SLA: variants seen among roughly 807,000 people sequenced by gnomAD.
The protein encoded by SLA is Src like adaptor.
SLA carries 16 observed loss-of-function variants against 30.3 expected under a neutral mutation model. That is an observed-to-expected ratio of 0.53 (90% CI 0.36 to 0.80). SLA has a LOEUF of 0.80. SLA is among the 30% of genes least tolerant of loss of function. The pLI is 0.01. For synonymous variants in SLA, 143 were observed against 137.8 expected (o/e 1.04, Z -0.26); for missense variants, 310 against 345.2 (o/e 0.90, Z 0.81).
chr8:133,056,869 A>G (rs989517515), intron 3 of SLA, among the ~76,000 whole-genome samples: 1 of 152,200 alleles, frequency 6.6e-6, no homozygotes, highest in African/African-American at 2.4e-5. Flanking sequence ...TGCAAGCTTT[A>G]GGGGTTACAG....
chr8:133,075,997 C>G (rs769898120), intron 1 of SLA: 1 of 152,126 alleles, frequency 6.6e-6, no homozygotes, highest in Non-Finnish European at 1.5e-5. Context: ...CATATAAAAT[C>G]TCCCTACTTA....
intron 1 of SLA, among the ~76,000 whole-genome samples, chr8:133,092,070 T>G (rs1456676086): frequency 6.6e-6 from 1 of 152,162 alleles, no homozygotes; most frequent in Non-Finnish European, 1.5e-5. Flanking sequence ...TCTCCTGTGT[T>G]GTGTGATTTC....
At chr8:133,088,155 C>G (rs873177) in intron 1 of SLA, among the ~76,000 whole-genome samples, 26,227 of 152,132 alleles carry the variant, frequency 0.17, 2,493 homozygotes, top group East Asian at 0.21. Flanking sequence ...TTGGGATAGA[C>G]TCTCCCTTGT....
At chr8:133,068,665 C>T (rs1034309619) in intron 2 of SLA, among the ~76,000 whole-genome samples, 3 of 152,196 alleles carry the variant, frequency 2.0e-5, no homozygotes, top group African/African-American at 4.8e-5. Context: ...ACGCAAGGGG[C>T]TCAGTGACCC....
At chr8:133,067,730 C>G (rs1053688547) in intron 2 of SLA, among the ~76,000 whole-genome samples, 1 of 151,484 alleles carries the variant, frequency 6.6e-6, no homozygotes, top group Non-Finnish European at 1.5e-5. Context: ...AAGCTGAGAT[C>G]GCACCGCTGC....
chr8:133,095,825 C>G (rs1357715445), intron 1 of SLA, among the ~76,000 whole-genome samples: 17 of 152,226 alleles, frequency 1.1e-4, no homozygotes, highest in Admixed American at 1.0e-3. Context: ...TTCTCAGCTC[C>G]CCTAAGTGCA....
intron 1 of SLA, among the ~76,000 whole-genome samples, chr8:133,080,123 A>G (rs1457581079): frequency 6.6e-6 from 1 of 152,180 alleles, no homozygotes; most frequent in Non-Finnish European, 1.5e-5. Flanking sequence ...GACATTTGAA[A>G]TGAGTCCAGA....
At chr8:133,085,793 T>C (rs1173153615) in intron 1 of SLA, among the ~76,000 whole-genome samples, 1 of 152,214 alleles carries the variant, frequency 6.6e-6, no homozygotes, top group Non-Finnish European at 1.5e-5. Flanking sequence ...ATGCGGCCAC[T>C]TTGACAAACA....
chr8:133,040,416 AC>A (rs1252380615), intron 7 of SLA: 3 of 368,942 alleles, frequency 8.1e-6, no homozygotes, highest in Non-Finnish European at 1.5e-5. Flanking sequence ...TTTTAGCTTT[AC>A]CCCGATAGTA....
chr8:133,049,556 G>A (rs754171623), intron 5 of SLA: 7 of 307,038 alleles, frequency 2.3e-5, no homozygotes, highest in Non-Finnish European at 3.8e-5. Flanking sequence ...GTAAGTGACA[G>A]AGGCAGGATT....
chr8:133,099,152 A>G (rs1848868796), intron 1 of SLA, among the ~76,000 whole-genome samples: 1 of 152,244 alleles, frequency 6.6e-6, no homozygotes, highest in South Asian at 2.1e-4. Flanking sequence ...GGGCACCCCC[A>G]AATAGAGAAG....
At chr8:133,087,293 T>A (rs1846743442) in intron 1 of SLA, among the ~76,000 whole-genome samples, 1 of 152,238 alleles carries the variant, frequency 6.6e-6, no homozygotes, top group Non-Finnish European at 1.5e-5. Context: ...TTAAATAAGC[T>A]AAGGTCGCAC....
chr8:133,092,748 C>T (rs1847766273), intron 1 of SLA, among the ~76,000 whole-genome samples: 1 of 152,188 alleles, frequency 6.6e-6, no homozygotes, highest in Non-Finnish European at 1.5e-5. Context: ...CAACTCCCCT[C>T]CTGCCCCCGA....
chr8:133,046,883 A>G (rs1839515920), intron 6 of SLA, among the ~76,000 whole-genome samples: 1 of 152,236 alleles, frequency 6.6e-6, no homozygotes, highest in African/African-American at 2.4e-5. Context: ...CTCTAGCACC[A>G]GGTGGCTTTG....
chr8:133,088,790 C>T (rs138193270), intron 1 of SLA, among the ~76,000 whole-genome samples: 19 of 152,152 alleles, frequency 1.2e-4, no homozygotes, highest in Middle Eastern at 3.4e-3. Flanking sequence ...GATTTCAAGA[C>T]GAATTGTATT....
chr8:133,097,509 C>T (rs980272035), intron 1 of SLA, among the ~76,000 whole-genome samples: 2 of 152,218 alleles, frequency 1.3e-5, no homozygotes, highest in Non-Finnish European at 2.9e-5. Context: ...CTAGATTTAT[C>T]TCTACTGGCT....
intron 1 of SLA, among the ~76,000 whole-genome samples, chr8:133,091,217 A>T (rs1013772443): frequency 6.6e-6 from 1 of 152,028 alleles, no homozygotes; most frequent in Non-Finnish European, 1.5e-5. Flanking sequence ...GTAGGAATTA[A>T]CTCCTCGATT....
intron 2 of SLA, among the ~76,000 whole-genome samples, chr8:133,071,168 G>T (rs6471111): frequency 0.19 from 29,657 of 152,178 alleles, 3,187 homozygotes; most frequent in Non-Finnish European, 0.24. Flanking sequence ...GCACCAGTGC[G>T]TATTGAGGAA....
intron 5 of SLA, chr8:133,048,915 G>T (rs896916219): frequency 4.4e-6 from 1 of 227,500 alleles, no homozygotes; most frequent in African/African-American, 2.2e-5. Flanking sequence ...TGCAAGATGA[G>T]CATGTGGCAT....
Sources: allele counts gnomAD v4.1 joint callset (sites outside exome capture counted in the v4.1 genomes callset), GRCh38; gene constraint gnomAD v4.1.1; transcripts MANE v1.5; gene names NCBI Gene and HGNC (gene_info 2026-07-23, HGNC 2026-07-21).